Variants in MXI1 observed in about 807,000 individuals in gnomAD.
MXI1 encodes the protein MAX interactor 1, dimerization protein, also known as max-interacting protein 1.
MXI1 carries 18 observed loss-of-function variants against 36.9 expected under a neutral mutation model. That is an observed-to-expected ratio of 0.49 (90% CI 0.34 to 0.72). The LOEUF is 0.72. Ranked by LOEUF, MXI1 falls within the 30% of genes least tolerant of loss-of-function variation. MXI1 has a pLI of 0.01. For missense variants in MXI1, 304 were observed against 379.1 expected, an observed-to-expected ratio of 0.80 and a Z score of 1.64; for synonymous variants, 160 against 146.7, an observed-to-expected ratio of 1.09 and a Z score of -0.65.
At position 110,208,073 on chromosome 10, in the gene MXI1, GAAAAC is replaced by G. The variant is rs1283032936; in HGVS notation, c.270_274del (p.Asn90LysfsTer3). 6.3e-7 allele frequency: 1 copy of G among 1,590,420 alleles called. No homozygotes were observed. ...CAGCTACCTGGAGCAGATCGAGAAA[GAAAAC>G]AAAAGTAAGTTTGGGGGCCCCTGCT... On this transcript the variant is annotated frameshift_variant, in exon 1 of 6. Coordinates refer to ENST00000332674, the MANE Select transcript of MXI1 (RefSeq NM_130439.3). LOFTEE classifies it high-confidence loss of function.
At chr10:110,232,765 C>T (rs747938554) in intron 2 of MXI1, among the ~76,000 whole-genome samples, 2 of 152,048 alleles carry the variant, frequency 1.3e-5, no homozygotes, top group Non-Finnish European at 2.9e-5. Flanking sequence ...GTGATAAAAC[C>T]CCTGTTTTGG....
In MXI1 at chr10:110,208,054, C is replaced by G. The variant is rs751439245; in HGVS notation, c.246C>G (p.Tyr82Ter). 1 of 1,600,254 alleles carries G rather than the reference C, an allele frequency of 6.2e-7. No individual in the cohort carries two copies. The highest frequency in any genetic ancestry group is 1.7e-5 in the Admixed American group (1 of 58,280). Residue 82 changes from tyrosine to a stop codon, truncating the protein, a stop_gained, in exon 1 of 6, where the codon TAC becomes TAG. Coordinates refer to ENST00000332674, the MANE Select transcript of MXI1 (RefSeq NM_130439.3). LOFTEE classifies it high-confidence loss of function. ...AGATTCTGCTCGAGGCCGCCAGCTA[C>G]CTGGAGCAGATCGAGAAAGAAAACA... The part of the protein sequence containing the change: ...NVQILLEAAS[Y>*]LEQIEKENKK...
intron 3 of MXI1, among the ~76,000 whole-genome samples, chr10:110,253,108 A>G (rs996174399): frequency 1.3e-5 from 2 of 152,090 alleles, no homozygotes; most frequent in Non-Finnish European, 2.9e-5. Flanking sequence ...TTCTCATCCC[A>G]TGACTTGAAA....
At chr10:110,236,124 CTTTTTTTTTTTTTTTTTTTTTTTTT>C (rs60576710) in intron 2 of MXI1, among the ~76,000 whole-genome samples, 1,573 of 33,602 alleles carry the variant, frequency 0.047, 52 homozygotes, top group Non-Finnish European at 0.064. Context: ...GGTTGAAGTT[CTTTTTTTTTTTTTTTTTTTTTTTTT>C]TTTTTTTTTT....
chr10:110,250,146 A>AT (rs1426181728), intron 3 of MXI1, among the ~76,000 whole-genome samples: 1 of 151,946 alleles, frequency 6.6e-6, no homozygotes, highest in East Asian at 1.9e-4. Context: ...AGAAATTCAG[A>AT]TTTTTTTCTT....
chr10:110,272,425 T>C (rs1341387830), intron 3 of MXI1, among the ~76,000 whole-genome samples: 1 of 152,212 alleles, frequency 6.6e-6, no homozygotes, highest in African/African-American at 2.4e-5. Context: ...TTATATAAAA[T>C]ATTTTTCTTC....
chr10:110,209,487 G>A (rs1854453207), intron 1 of MXI1, among the ~76,000 whole-genome samples: 1 of 152,212 alleles, frequency 6.6e-6, no homozygotes, highest in Admixed American at 6.5e-5. Context: ...ACCGTGTGTT[G>A]GCAGCGCAAT....
intron 1 of MXI1, among the ~76,000 whole-genome samples, chr10:110,210,510 C>T (rs577313640): frequency 6.6e-6 from 1 of 152,252 alleles, no homozygotes; most frequent in East Asian, 1.9e-4. Flanking sequence ...CCGCTCCAGG[C>T]CCTCGCCCCG....
intron 3 of MXI1, among the ~76,000 whole-genome samples, chr10:110,260,416 G>GGTGTGTGTGTGT (rs151334728): frequency 9.7e-5 from 14 of 144,568 alleles, no homozygotes; most frequent in Non-Finnish European, 1.7e-4. Context: ...CCTTGATACA[G>GGTGTGTGTGTGT]GTGTGTGTGT....
intron 1 of MXI1, among the ~76,000 whole-genome samples, chr10:110,209,682 T>C (rs878953720): frequency 6.6e-6 from 1 of 152,178 alleles, no homozygotes; most frequent in Admixed American, 6.5e-5. Flanking sequence ...CGCGGGAAGC[T>C]ATGTGTGCAT....
intron 3 of MXI1, among the ~76,000 whole-genome samples, chr10:110,246,682 C>G (rs547686916): frequency 6.6e-6 from 1 of 152,200 alleles, no homozygotes; most frequent in South Asian, 2.1e-4. Flanking sequence ...GCATTTGAGG[C>G]ATGTATAGGA....
intron 3 of MXI1, among the ~76,000 whole-genome samples, chr10:110,260,453 G>A (rs1310798141): frequency 7.3e-6 from 1 of 137,768 alleles, no homozygotes; most frequent in Non-Finnish European, 1.6e-5. Context: ...GTGTGTGTGT[G>A]TGTGTATACG....
intron 5 of MXI1, among the ~76,000 whole-genome samples, chr10:110,282,641 C>A (rs1857295320): frequency 6.6e-6 from 1 of 152,076 alleles, no homozygotes; most frequent in Non-Finnish European, 1.5e-5. Context: ...GGTGTATTTT[C>A]ATCACTATAG....
intron 3 of MXI1, among the ~76,000 whole-genome samples, chr10:110,263,163 C>G (rs1856575184): frequency 6.6e-6 from 1 of 152,152 alleles, no homozygotes; most frequent in Non-Finnish European, 1.5e-5. Flanking sequence ...AAAAAGTTGA[C>G]TTTGGCCAAG....
chr10:110,226,099 G>A, intron 1 of MXI1: 3 of 1,148,988 alleles, frequency 2.6e-6, no homozygotes, highest in East Asian at 4.0e-5. Flanking sequence ...GAGCTGGCCC[G>A]CCCGCCCGTC....
intron 3 of MXI1, among the ~76,000 whole-genome samples, chr10:110,255,398 A>G (rs1307760633): frequency 6.6e-6 from 1 of 152,224 alleles, no homozygotes; most frequent in Non-Finnish European, 1.5e-5. Context: ...TGTTATTTTC[A>G]TGTATGCTAA....
chr10:110,218,491 A>G (rs1181471924), intron 1 of MXI1, among the ~76,000 whole-genome samples: 6 of 151,298 alleles, frequency 4.0e-5, no homozygotes, highest in African/African-American at 1.5e-4. Flanking sequence ...GTTTTAAGTT[A>G]GGCTGAGGGT....
In MXI1 at chr10:110,284,807, T is replaced by A; in HGVS notation, c.725-17T>A. On this transcript the variant is annotated splice_polypyrimidine_tract_variant and intron_variant, in intron 5 of 5. Transcript: ENST00000332674. ...CTCGATAATTAATGTTCTTCTTTTT[T>A]TTTTTTCCTTTGGCAGAGGAGATTG... 6.3e-7 allele frequency: 1 copy of A among 1,582,832 alleles called. No individual in the cohort carries two copies.
rs989929219 is a variant in MXI1, at chr10:110,286,220, A to G, written c.*1233A>G. On this transcript the variant is annotated 3_prime_UTR_variant, in exon 6 of 6. Transcript: ENST00000332674. ...GCACTTGTCTCATTTTAATGTAAAG[A>G]TTTGCTTCCATTTTCCTACAGGCAG... 2 of 152,576 alleles carry G rather than the reference A, an allele frequency of 1.3e-5. No homozygotes were observed. The highest frequency in any genetic ancestry group is 4.8e-5 in the African/African-American group (2 of 41,412). 9.5% of individuals were successfully genotyped at this position (152,576 alleles called of 1,614,324 possible). A position where few individuals can be genotyped will look rare whatever the true frequency, so the allele number is the denominator to read the frequency against.
Sources: gnomAD v4.1 joint callset for allele counts (sites outside exome capture counted in the v4.1 genomes callset) on GRCh38, gnomAD v4.1.1 for gene constraint, MANE v1.5 for transcripts, NCBI Gene and HGNC (gene_info 2026-07-23, HGNC 2026-07-21) for gene names.